The following DAB1 variants were observed in gnomAD, a reference collection of about 807,000 sequenced individuals.
DAB1 encodes the protein disabled homolog 1.
Under a neutral mutation model 64.6 loss-of-function variants are expected in DAB1, and 15 were observed. The observed-to-expected ratio is 0.23, with a 90% CI of 0.16 to 0.36. The LOEUF is 0.36. Among genes scored for constraint, DAB1 ranks in the 10% least tolerant of loss-of-function variants. The probability of loss-of-function intolerance (pLI) is 1.00; values close to 1 mark genes in which losing one functional copy is unlikely to be tolerated. For missense variants in DAB1, 596 were observed against 706.7 expected (o/e 0.84, Z 1.78); for synonymous variants, 235 against 251.9 (o/e 0.93, Z 0.64).
chr1:57,606,927 G>A (rs1351673230), intron 7 of DAB1, among the ~76,000 whole-genome samples: 2 of 150,786 alleles, frequency 1.3e-5, no homozygotes, highest in African/African-American at 2.4e-5. Flanking sequence ...TGGGATTACA[G>A]GTGCCTGCCA....
intron 3 of DAB1, among the ~76,000 whole-genome samples, chr1:58,403,933 T>G (rs184546771): frequency 6.6e-6 from 1 of 152,192 alleles, no homozygotes; most frequent in Non-Finnish European, 1.5e-5. Context: ...GTGAACAGAA[T>G]AGTAGAAAAG....
chr1:58,061,710 TC>T (rs1648513492), intron 5 of DAB1, among the ~76,000 whole-genome samples: 1 of 152,182 alleles, frequency 6.6e-6, no homozygotes, highest in Admixed American at 6.5e-5. Context: ...CATAACATTC[TC>T]TAAGGCTGTT....
chr1:58,390,536 C>T (rs61779027), intron 3 of DAB1, among the ~76,000 whole-genome samples: 2,278 of 152,188 alleles, frequency 0.015, 25 homozygotes, highest in African/African-American at 0.019. Flanking sequence ...GTCAGGGGGA[C>T]GTGGGATCAG....
intron 1 of DAB1, among the ~76,000 whole-genome samples, chr1:57,853,588 A>G (rs796425360): frequency 2.6e-5 from 4 of 152,350 alleles, no homozygotes; most frequent in African/African-American, 9.6e-5. Context: ...AATTAATAAA[A>G]TGAACGAATA....
rs187733067 is a variant in DAB1, at chr1:58,065,445, T to A, written n.387+85066A>T. On this transcript the variant is annotated intron_variant and non_coding_transcript_variant, in intron 5 of 20. Transcript: ENST00000485760. Reference sequence around the variant, plus strand: ...TATACCTTAATAAAACTGGATTTTTTAAAAAAGAGTCTAAAATAAAAGACT... The same window carrying A: ...TATACCTTAATAAAACTGGATTTTTAAAAAAAGAGTCTAAAATAAAAGACT... Among the ~76,000 whole-genome samples, 606 of 152,294 alleles carry A rather than the reference T, an allele frequency of 4.0e-3. 3 individuals carry two copies. Among genetic ancestry groups the A allele is most frequent in the Non-Finnish European group, 5.0e-3 (339 of 68,034 alleles).
intron 2 of DAB1, among the ~76,000 whole-genome samples, chr1:57,193,388 T>TTTTTTTG (rs1557908200): frequency 3.8e-5 from 5 of 132,728 alleles, no homozygotes; most frequent in Non-Finnish European, 6.5e-5. Context: ...TATGTTTTTT[T>TTTTTTTG]TTTTTTTTTT....
chr1:57,592,903 C>A (rs1028235971), intron 7 of DAB1, among the ~76,000 whole-genome samples: 2 of 152,094 alleles, frequency 1.3e-5, no homozygotes, highest in Non-Finnish European at 2.9e-5. Context: ...CTCTTCTGAC[C>A]TCATTTAACC....
chr1:57,703,319 A>C (rs1261910362), intron 6 of DAB1, among the ~76,000 whole-genome samples: 1 of 152,196 alleles, frequency 6.6e-6, no homozygotes, highest in African/African-American at 2.4e-5. Flanking sequence ...CAGCATTTAT[A>C]AGAAAATTAA....
chr1:58,267,350 CG>C (rs1470733409), intron 4 of DAB1, among the ~76,000 whole-genome samples: 2 of 152,164 alleles, frequency 1.3e-5, no homozygotes, highest in African/African-American at 4.8e-5. Flanking sequence ...AAAGTGTCAC[CG>C]GGGTTCTTTC....
intron 6 of DAB1, among the ~76,000 whole-genome samples, chr1:57,753,414 C>A (rs1430158182): frequency 6.6e-6 from 1 of 152,180 alleles, no homozygotes; most frequent in Non-Finnish European, 1.5e-5. Context: ...AAAACAAGTG[C>A]ATGGGCCTCG....
At chr1:57,801,096 C>T (rs887175831) in intron 6 of DAB1, among the ~76,000 whole-genome samples, 2 of 152,194 alleles carry the variant, frequency 1.3e-5, no homozygotes, top group Admixed American at 6.5e-5. Flanking sequence ...CAAGACATAG[C>T]ATTTCTCTTC....
At chr1:57,644,087 A>G (rs1379603862) in intron 7 of DAB1, among the ~76,000 whole-genome samples, 1 of 152,196 alleles carries the variant, frequency 6.6e-6, no homozygotes, top group Non-Finnish European at 1.5e-5. Context: ...TCAAGGCATT[A>G]TCTTCGAAAG....
At chr1:58,045,120 AT>A in intron 5 of DAB1, among the ~76,000 whole-genome samples, 1 of 152,302 alleles carries the variant, frequency 6.6e-6, no homozygotes, top group Non-Finnish European at 1.5e-5. Flanking sequence ...AATTAATTGC[AT>A]TGTTGTTAGG....
intron 5 of DAB1, among the ~76,000 whole-genome samples, chr1:57,924,315 T>C (rs1644849255): frequency 6.6e-6 from 1 of 152,194 alleles, no homozygotes; most frequent in African/African-American, 2.4e-5. Context: ...AATGATCAGA[T>C]ACTATGATCT....
intron 1 of DAB1, among the ~76,000 whole-genome samples, chr1:57,300,998 A>C (rs1673601054): frequency 6.6e-6 from 1 of 152,004 alleles, no homozygotes. Flanking sequence ...CCAGGGACCA[A>C]GGGCCAAGCA....
At chr1:57,664,699 TAAAG>T in intron 6 of DAB1, among the ~76,000 whole-genome samples, 1 of 152,154 alleles carries the variant, frequency 6.6e-6, no homozygotes, top group East Asian at 1.9e-4. Context: ...ATGTTAGAAA[TAAAG>T]AGATTCAGTA....
intron 1 of DAB1, among the ~76,000 whole-genome samples, chr1:57,853,619 A>C (rs888622544): frequency 3.3e-5 from 5 of 152,234 alleles, no homozygotes; most frequent in Non-Finnish European, 7.3e-5. Flanking sequence ...TGAATAAGTG[A>C]ACTAAAATCA....
At chr1:57,249,847 CTCT>C (rs1263191818) in intron 2 of DAB1, among the ~76,000 whole-genome samples, 4 of 152,190 alleles carry the variant, frequency 2.6e-5, no homozygotes, top group Admixed American at 2.6e-4. Context: ...CAGATATTTC[CTCT>C]TCTATTATGC....
chr1:57,247,691 CTTG>C (rs1427625259), intron 2 of DAB1, among the ~76,000 whole-genome samples: 5 of 152,168 alleles, frequency 3.3e-5, no homozygotes, highest in African/African-American at 1.2e-4. Context: ...TCTAGGCTTC[CTTG>C]TTGTTAGGAA....
Sources: allele counts gnomAD v4.1 joint callset (sites outside exome capture counted in the v4.1 genomes callset), GRCh38; gene constraint gnomAD v4.1.1; transcripts MANE v1.5; gene names NCBI Gene and HGNC (gene_info 2026-07-23, HGNC 2026-07-21).